FRS2: variants seen among roughly 807,000 people sequenced by gnomAD.
FRS2 encodes the protein FGFR signalling adaptor.
Under a neutral mutation model 43.9 loss-of-function variants are expected in FRS2, and 8 were observed. That is an observed-to-expected ratio of 0.18 (90% CI 0.11 to 0.33). FRS2 has a LOEUF of 0.33. FRS2 is among the 10% of genes least tolerant of loss of function. FRS2 has a pLI of 1.00. For synonymous variants in FRS2, 219 were observed against 220.3 expected (o/e 0.99, Z 0.05); for missense variants, 534 against 627.6 (o/e 0.85, Z 1.59).
intron 1 of FRS2, among the ~76,000 whole-genome samples, chr12:69,513,138 A>G (rs931351675): frequency 3.4e-5 from 4 of 117,250 alleles, no homozygotes; most frequent in African/African-American, 1.1e-4. Context: ...ATCTCTGGCA[A>G]AGTTTGGAGT....
At chr12:69,519,925 G>T (rs961486842) in intron 1 of FRS2, among the ~76,000 whole-genome samples, 3 of 152,150 alleles carry the variant, frequency 2.0e-5, no homozygotes, top group African/African-American at 7.2e-5. Flanking sequence ...GTGTATACCC[G>T]GTAATGGGAT....
intron 1 of FRS2, among the ~76,000 whole-genome samples, chr12:69,480,909 C>T (rs971183381): frequency 6.6e-6 from 1 of 152,102 alleles, no homozygotes; most frequent in Non-Finnish European, 1.5e-5. Flanking sequence ...TAATTTTTGA[C>T]TGTGAAGTTC....
chr12:69,557,332 C>G (rs1006307284), intron 3 of FRS2, among the ~76,000 whole-genome samples: 7 of 152,260 alleles, frequency 4.6e-5, no homozygotes, highest in African/African-American at 1.7e-4. Context: ...TGCACTGACT[C>G]TATGAGATCA....
At chr12:69,523,280 G>C (rs549265356) in intron 1 of FRS2, among the ~76,000 whole-genome samples, 2 of 152,264 alleles carry the variant, frequency 1.3e-5, no homozygotes, top group East Asian at 3.9e-4. Flanking sequence ...TGGGTGTATG[G>C]ATATTTAGGA....
At chr12:69,529,163 G>A (rs184863745) in intron 1 of FRS2, among the ~76,000 whole-genome samples, 1 of 152,322 alleles carries the variant, frequency 6.6e-6, no homozygotes, top group African/African-American at 2.4e-5. Context: ...TTGTTGAGGT[G>A]AGCAAGAGAG....
In FRS2 at chr12:69,574,933, A is replaced by G. The variant is rs778666669; in HGVS notation, c.1505A>G (p.Asn502Ser). The G allele has an allele frequency of 1.9e-6, 3 of 1,608,230 alleles. No homozygotes were observed. Among genetic ancestry groups the G allele is most frequent in the Admixed American group, 1.7e-5 (1 of 60,014 alleles). The change falls in exon 9 of 9, where the codon AAT (asparagine) becomes AGT (serine). Residue 502 changes from asparagine to serine, a missense_variant. Physicochemically the swap from Asn to Ser is conservative, Grantham distance 46 (BLOSUM62 1). This residue lies in a region of FRS2 where 446 missense variants were observed against 494.2 expected (regional missense o/e 0.90). Transcript: ENST00000549921. ...GGTACATCTAGGAAAACTAGACACA[A>G]TAGTACTGATCTGCCCATGTGAGCC... ...DDGTSRKTRH[N>S]STDLPM
intron 1 of FRS2, among the ~76,000 whole-genome samples, chr12:69,503,996 G>T (rs1046277255): frequency 6.6e-6 from 1 of 152,108 alleles, no homozygotes; most frequent in Non-Finnish European, 1.5e-5. Flanking sequence ...TTGAGGTCAG[G>T]AATTTGAGAC....
intron 4 of FRS2, among the ~76,000 whole-genome samples, chr12:69,566,781 C>T (rs1304305555): frequency 6.6e-6 from 1 of 152,102 alleles, no homozygotes; most frequent in Non-Finnish European, 1.5e-5. Flanking sequence ...TTATGCCATT[C>T]TATTGTGGGA....
intron 1 of FRS2, among the ~76,000 whole-genome samples, chr12:69,511,487 A>C (rs1277102832): frequency 2.0e-5 from 3 of 152,218 alleles, no homozygotes; most frequent in Non-Finnish European, 4.4e-5. Flanking sequence ...CAAACTGTTA[A>C]TTATAAAAGC....
intron 3 of FRS2, among the ~76,000 whole-genome samples, chr12:69,541,315 G>C (rs1877881274): frequency 6.6e-6 from 1 of 152,128 alleles, no homozygotes; most frequent in Non-Finnish European, 1.5e-5. Flanking sequence ...ATGGTAGAAA[G>C]TTGTGTTTAT....
At position 69,557,633 on chromosome 12, in the gene FRS2, C is replaced by T. The variant is rs895405247; in HGVS notation, c.-121-4547C>T. ...GTGTGTGTGTGTGCGCGCGCGCGCG[C>T]GCGCAGGTGCATGCACGCTAGGATT... is the stretch of plus-strand genomic sequence containing the variant. On this transcript the variant is annotated intron_variant, in intron 3 of 8. Coordinates refer to ENST00000549921, the MANE Select transcript of FRS2 (RefSeq NM_001278356.2). Among the ~76,000 whole-genome samples, 142 of 129,460 alleles carry T rather than the reference C, an allele frequency of 1.1e-3. 1 individual carries two copies. Among genetic ancestry groups the T allele is most frequent in the South Asian group, 7.6e-3 (32 of 4,232 alleles). The allele number at this position is 129,460 out of a possible 152,430, so 84.9% of individuals were successfully genotyped here.
At position 69,470,523 on chromosome 12, in the gene FRS2, G is replaced by A. The variant is rs1258074078; in HGVS notation, c.-268G>A. ...GCGCCCTGCTCCCTCTCAGCACCTG[G>A]GCGGACGGTGAGTGGCTAGGGAAAC... is the stretch of plus-strand genomic sequence containing the variant. On this transcript the variant is annotated 5_prime_UTR_variant, in exon 1 of 9. Coordinates refer to ENST00000549921, the MANE Select transcript of FRS2 (RefSeq NM_001278356.2). 7.5e-6 allele frequency: 3 copies of A among 398,486 alleles called. No individual in the cohort carries two copies. Among genetic ancestry groups the A allele is most frequent in the Non-Finnish European group, 8.8e-6 (2 of 226,084 alleles). The allele number at this position is 398,486 out of a possible 1,614,324, so 24.7% of individuals were successfully genotyped here.
intron 1 of FRS2, among the ~76,000 whole-genome samples, chr12:69,526,066 C>T (rs1050229051): frequency 6.6e-6 from 1 of 152,066 alleles, no homozygotes; most frequent in Admixed American, 6.5e-5. Context: ...CCATGTTTAT[C>T]AGCTGGTCTT....
At chr12:69,515,261 A>G (rs568295157) in intron 1 of FRS2, among the ~76,000 whole-genome samples, 1 of 152,294 alleles carries the variant, frequency 6.6e-6, no homozygotes, top group Admixed American at 6.5e-5. Flanking sequence ...TGAACCTACT[A>G]TGTTTATTAA....
At chr12:69,565,238 G>GA (rs1880191504) in intron 4 of FRS2, among the ~76,000 whole-genome samples, 2 of 152,120 alleles carry the variant, frequency 1.3e-5, no homozygotes, top group Non-Finnish European at 1.5e-5. Flanking sequence ...CTATAAAAGA[G>GA]AAAAAATGGT....
intron 1 of FRS2, among the ~76,000 whole-genome samples, chr12:69,511,590 A>T (rs1280311795): frequency 6.6e-6 from 1 of 152,138 alleles, no homozygotes; most frequent in Non-Finnish European, 1.5e-5. Flanking sequence ...TTTTAAAAAA[A>T]CTCTGAACTG....
intron 1 of FRS2, among the ~76,000 whole-genome samples, chr12:69,483,709 G>A (rs1372628198): frequency 1.3e-5 from 2 of 152,090 alleles, no homozygotes; most frequent in Non-Finnish European, 2.9e-5. Context: ...AATAAATTAA[G>A]CTTAAAAAGA....
At chr12:69,570,616 A>C in intron 6 of FRS2, 99 bp downstream of exon 6, 1 of 712,578 alleles carries the variant, frequency 1.4e-6, no homozygotes, top group Non-Finnish European at 2.4e-6. Flanking sequence ...TCTGAAAAAA[A>C]TCCCAAAATA....
At chr12:69,476,465 A>G (rs1314176907) in intron 1 of FRS2, among the ~76,000 whole-genome samples, 3 of 152,202 alleles carry the variant, frequency 2.0e-5, no homozygotes, top group Admixed American at 6.5e-5. Context: ...AGCAGCAGAA[A>G]TTGGCTTTCC....
Sources: gnomAD v4.1 joint callset for allele counts (sites outside exome capture counted in the v4.1 genomes callset) on GRCh38, gnomAD v4.1.1 for gene constraint, gnomAD v4.1.1 regional missense constraint, MANE v1.5 for transcripts, NCBI Gene and HGNC (gene_info 2026-07-23, HGNC 2026-07-21) for gene names.